Variants in CAST observed in about 807,000 individuals in gnomAD.
CAST encodes the protein calpastatin.
CAST carries 76 observed loss-of-function variants against 119.6 expected under a neutral mutation model. The ratio of observed to expected loss-of-function variants is 0.64; its 90% CI spans 0.53 to 0.77. The LOEUF (loss-of-function observed/expected upper bound fraction) is 0.77. Ranked by LOEUF, CAST falls within the 30% of genes least tolerant of loss-of-function variation. The probability of loss-of-function intolerance (pLI) is 0.00; values close to 1 mark genes in which losing one functional copy is unlikely to be tolerated. For synonymous variants in CAST, 319 were observed against 331.6 expected, an observed-to-expected ratio of 0.96 and a Z score of 0.41; for missense variants, 953 against 946.5, an observed-to-expected ratio of 1.01 and a Z score of -0.09.
the CAST span, among the ~76,000 whole-genome samples, chr5:96,498,177 T>C: frequency 1.1e-4 from 16 of 152,098 alleles, no homozygotes; most frequent in African/African-American, 1.9e-4. Context: ...GTTGTAGATA[T>C]GCGGCATTAT....
the CAST span, among the ~76,000 whole-genome samples, chr5:96,264,494 G>A: frequency 6.6e-6 from 1 of 152,068 alleles, no homozygotes; most frequent in Non-Finnish European, 1.5e-5. Flanking sequence ...CAGGGTCTGA[G>A]TTTGTGGGAA....
At chr5:96,166,613 A>C in the CAST span, among the ~76,000 whole-genome samples, 1 of 152,180 alleles carries the variant, frequency 6.6e-6, no homozygotes, top group Non-Finnish European at 1.5e-5. Flanking sequence ...TGAATTTATA[A>C]TTATGTTTAT....
the CAST span, among the ~76,000 whole-genome samples, chr5:96,492,535 C>T: frequency 6.6e-6 from 1 of 152,180 alleles, no homozygotes; most frequent in Non-Finnish European, 1.5e-5. Flanking sequence ...AAGCTTTTCG[C>T]TTACATAGGA....
At chr5:96,368,271 G>A in the CAST span, among the ~76,000 whole-genome samples, 25 of 151,964 alleles carry the variant, frequency 1.6e-4, no homozygotes, top group South Asian at 4.2e-4. Context: ...TGGCCAATGC[G>A]GGTGGATCAC....
chr5:96,747,075 CT>C (rs959671403), intron 17 of CAST, among the ~76,000 whole-genome samples: 3 of 152,016 alleles, frequency 2.0e-5, no homozygotes, highest in Non-Finnish European at 4.4e-5. Flanking sequence ...TGCCAAAGAA[CT>C]TTTTTTTCCT....
chr5:96,423,797 A>G, the CAST span, among the ~76,000 whole-genome samples: 8 of 152,164 alleles, frequency 5.3e-5, no homozygotes, highest in Non-Finnish European at 1.2e-4. Context: ...TGGAAGCTCT[A>G]TTTGATAGTC....
chr5:96,522,989 C>T (rs1745541715), upstream of CAST, among the ~76,000 whole-genome samples: 1 of 152,236 alleles, frequency 6.6e-6, no homozygotes, highest in South Asian at 2.1e-4. Context: ...AGCATTCATT[C>T]AGCATCCACC....
the CAST span, among the ~76,000 whole-genome samples, chr5:96,119,207 G>A: frequency 6.6e-6 from 1 of 152,124 alleles, no homozygotes; most frequent in African/African-American, 2.4e-5. Context: ...ATCACACCTT[G>A]AAGGTATTTG....
chr5:96,071,126 A>T, the CAST span, among the ~76,000 whole-genome samples: 2 of 152,086 alleles, frequency 1.3e-5, no homozygotes, highest in Non-Finnish European at 2.9e-5. Flanking sequence ...AGACAGTCAC[A>T]TGCTGTGGGC....
At chr5:96,583,096 C>T (rs1746795680) in intron 1 of CAST, among the ~76,000 whole-genome samples, 11 of 152,184 alleles carry the variant, frequency 7.2e-5, no homozygotes, top group Admixed American at 6.5e-4. Context: ...TTGCCCAAAC[C>T]TTTAATGGTT....
intron 1 of CAST, among the ~76,000 whole-genome samples, chr5:96,619,092 A>T (rs1167536819): frequency 6.6e-6 from 1 of 152,084 alleles, no homozygotes; most frequent in African/African-American, 2.4e-5. Flanking sequence ...TAGCTAATCT[A>T]GTGTGGACTT....
intron 2 of CAST, among the ~76,000 whole-genome samples, chr5:96,692,240 A>G (rs1432595500): frequency 6.6e-6 from 1 of 152,100 alleles, no homozygotes; most frequent in African/African-American, 2.4e-5. Context: ...ACTGATGCTG[A>G]TGTTAAGGAG....
At chr5:96,162,235 A>AT in the CAST span, among the ~76,000 whole-genome samples, 1 of 152,204 alleles carries the variant, frequency 6.6e-6, no homozygotes, top group Non-Finnish European at 1.5e-5. Context: ...AAATTATGAT[A>AT]TTAGCTATAG....
the CAST span, among the ~76,000 whole-genome samples, chr5:96,451,396 G>C: frequency 6.6e-6 from 1 of 152,166 alleles, no homozygotes. Flanking sequence ...ATGAGGAAAG[G>C]ATTCCCTATT....
chr5:96,629,583 G>T (rs575412303), intron 1 of CAST, among the ~76,000 whole-genome samples: 2 of 152,328 alleles, frequency 1.3e-5, no homozygotes, highest in African/African-American at 4.8e-5. Flanking sequence ...CTTTGCCTCA[G>T]TTTCTTTCAG....
chr5:96,512,909 T>A, the CAST span, among the ~76,000 whole-genome samples: 58,189 of 152,094 alleles, frequency 0.38, 11,381 homozygotes, highest in East Asian at 0.56. Flanking sequence ...ATGTAGCAGA[T>A]GAGTAATTAG....
At chr5:96,532,834 A>T (rs1472805641) in intron 1 of CAST, among the ~76,000 whole-genome samples, 4 of 151,986 alleles carry the variant, frequency 2.6e-5, no homozygotes, top group African/African-American at 9.7e-5. Context: ...TGACAATAAG[A>T]GCAAAACTCC....
intron 1 of CAST, among the ~76,000 whole-genome samples, chr5:96,560,344 A>C (rs1358417787): frequency 6.6e-6 from 1 of 152,056 alleles, no homozygotes; most frequent in Non-Finnish European, 1.5e-5. Flanking sequence ...ACAAAAGCCA[A>C]AATTGACAAA....
At chr5:96,390,494 T>C in the CAST span, 1 of 152,532 alleles carries the variant, frequency 6.6e-6, no homozygotes, top group East Asian at 1.9e-4. Context: ...CTCAGCTACA[T>C]GTTGTATTAG....
Sources: allele counts gnomAD v4.1 joint callset (sites outside exome capture counted in the v4.1 genomes callset), GRCh38; gene constraint gnomAD v4.1.1; transcripts MANE v1.5; gene names NCBI Gene and HGNC (gene_info 2026-07-23, HGNC 2026-07-21).